The following ACACA variants were observed in gnomAD, a reference collection of about 807,000 sequenced individuals.
ACACA encodes acetyl-CoA carboxylase alpha.
A neutral mutation model predicts 296.1 loss-of-function variants in ACACA; 103 were observed. The ratio of observed to expected loss-of-function variants is 0.35; its 90% CI spans 0.30 to 0.41. ACACA has a LOEUF of 0.41. Among genes scored for constraint, ACACA ranks in the 10% least tolerant of loss-of-function variants. The pLI is 1.00. For missense variants in ACACA, 1,554 were observed against 2,989.7 expected, an observed-to-expected ratio of 0.52 and a Z score of 11.20; for synonymous variants, 953 against 1,038.6, an observed-to-expected ratio of 0.92 and a Z score of 1.58.
At chr17:37,403,954 G>A (rs1224651114) in intron 1 of ACACA, among the ~76,000 whole-genome samples, 1 of 152,066 alleles carries the variant, frequency 6.6e-6, no homozygotes, top group Non-Finnish European at 1.5e-5. Context: ...TGCATTTTTA[G>A]CAGAGATGGG....
intron 20 of ACACA, 79 bp downstream of exon 20, chr17:37,245,001 C>T: frequency 6.3e-7 from 1 of 1,592,966 alleles, no homozygotes; most frequent in Non-Finnish European, 8.6e-7. Context: ...GCAAACCAAG[C>T]ATTGAAATCA....
intron 1 of ACACA, among the ~76,000 whole-genome samples, chr17:37,349,547 G>GTATA (rs751479341): frequency 1.4e-5 from 2 of 144,082 alleles, no homozygotes; most frequent in African/African-American, 5.1e-5. Context: ...GTGTGTGTGT[G>GTATA]TATATATATA....
At chr17:37,223,453 C>A in intron 28 of ACACA, 59 bp downstream of exon 28, 1 of 1,391,156 alleles carries the variant, frequency 7.2e-7, no homozygotes, top group East Asian at 2.3e-5. Flanking sequence ...GCCAAATAGA[C>A]AGAAGAAACC....
At chr17:37,259,600 ACT>A in intron 11 of ACACA, 70 bp from the exon 12 acceptor site, 2 of 1,533,618 alleles carry the variant, frequency 1.3e-6, no homozygotes, top group Non-Finnish European at 1.8e-6. Flanking sequence ...ACAGCCTCTC[ACT>A]GACTCAACTG....
intron 19 of ACACA, among the ~76,000 whole-genome samples, chr17:37,245,476 A>G (rs1370844698): frequency 2.6e-5 from 4 of 152,204 alleles, no homozygotes. Flanking sequence ...ATTTGTGATT[A>G]TATTTGTTTT....
At chr17:37,165,122 G>A (rs73982251) in intron 41 of ACACA, among the ~76,000 whole-genome samples, 1,918 of 76,862 alleles carry the variant, frequency 0.025, 34 homozygotes, top group African/African-American at 0.086. Flanking sequence ...TCCCCACCCC[G>A]CCCCGCCCCC....
intron 48 of ACACA, among the ~76,000 whole-genome samples, chr17:37,125,332 G>A (rs897060585): frequency 6.6e-6 from 1 of 151,958 alleles, no homozygotes; most frequent in Non-Finnish European, 1.5e-5. Context: ...AAAAGCAGAT[G>A]AGTCTCTGAA....
intron 29 of ACACA, among the ~76,000 whole-genome samples, chr17:37,212,054 T>C (rs912943987): frequency 2.6e-5 from 4 of 152,114 alleles, no homozygotes; most frequent in African/African-American, 4.8e-5. Context: ...CCTTTTACGA[T>C]ATAAAGGATG....
At chr17:37,119,920 T>G (rs1038658189) in intron 50 of ACACA, among the ~76,000 whole-genome samples, 5 of 143,940 alleles carry the variant, frequency 3.5e-5, no homozygotes, top group African/African-American at 1.3e-4. Context: ...TGAGATGGAG[T>G]CTTGCTCTGT....
At chr17:37,243,610 A>C in intron 21 of ACACA, 51 bp from the exon 22 acceptor site, 3 of 1,572,980 alleles carry the variant, frequency 1.9e-6, no homozygotes, top group Non-Finnish European at 2.6e-6. Flanking sequence ...CAATCCCCCA[A>C]ATAAAAAGAT....
rs2080629394 is a variant in ACACA at position 37,245,133 on chromosome 17, G to A, written c.2542C>T (p.Pro848Ser). 6.2e-7 allele frequency: 1 copy of A among 1,613,980 alleles called. No individual in the cohort carries two copies. Among genetic ancestry groups the A allele is most frequent in the Non-Finnish European group, 8.5e-7 (1 of 1,180,010 alleles). ...YVKRPGAALDPGCVLAKMQLD... is the reference protein window; with the variant it reads ...YVKRPGAALDSGCVLAKMQLD... ...TGCATTTTGGCTAGTACACAGCCAG[G>A]GTCAAGAGCTGCTCCAGGTCGCTTG... The change falls in exon 20 of 56, where the codon CCT (proline) becomes TCT (serine). Residue 848 changes from proline (P) to serine (S), a missense_variant. By Grantham distance (74) the Pro-to-Ser change is moderately conservative (BLOSUM62 -1). Transcript: ENST00000616317.
rs1290397903 is a variant in ACACA at position 37,283,295 on chromosome 17, G to C, written c.582C>G (p.Val194=). 4 of 1,614,114 alleles carry C rather than the reference G, an allele frequency of 2.5e-6. No individual in the cohort carries two copies. The highest frequency in any genetic ancestry group is 3.4e-6 in the Non-Finnish European group (4 of 1,180,008). Residue 194 remains valine (V), a synonymous_variant, in exon 5 of 56, where the codon GTC becomes GTG. Coordinates refer to ENST00000616317, the MANE Select transcript of ACACA (RefSeq NM_198834.3). ...NERAIRFVVM[V]TPEDLKANAE... is the part of the protein sequence containing the mutation. ...CATTGGCTTTAAGGTCTTCAGGTGT[G>C]ACCATGACAACGAATCTAATTGCAC...
Position 37,200,193 on chromosome 17 carries a change from A to G in ACACA, c.4114-10T>C, listed in dbSNP as rs1469675304. ...CCTGCTTTCTGAAATCCTTTCAAAT[A>G]AAAGAGAGAAAGGAAGGAAAGACAG... On this transcript the variant is annotated splice_polypyrimidine_tract_variant and intron_variant, in intron 34 of 55. Coordinates refer to ENST00000616317, the MANE Select transcript of ACACA (RefSeq NM_198834.3). The G allele has an allele frequency of 6.2e-7, 1 of 1,603,992 alleles. No individual in the cohort carries two copies. Among genetic ancestry groups the G allele is most frequent in the Non-Finnish European group, 8.5e-7 (1 of 1,171,038 alleles).
At position 37,293,539 on chromosome 17, in the gene ACACA, C is replaced by CTT. The variant is rs58534025; in HGVS notation, c.339-8571_339-8570dup. The stretch of plus-strand genomic sequence containing the variant: ...ATGAGCATCAAAAATAATTTTAGGA[C>CTT]TTTTTTTTTTTTTTTTTTTTTGTGA... On this transcript the variant is annotated intron_variant, in intron 3 of 55. Coordinates refer to ENST00000616317, the MANE Select transcript of ACACA (RefSeq NM_198834.3). 3.4e-3 allele frequency among the ~76,000 whole-genome samples: 427 copies of CTT among 124,592 alleles called. 3 individuals carry two copies. The highest frequency in any genetic ancestry group is 6.0e-3 in the African/African-American group (200 of 33,580). The allele number at this position is 124,592 out of a possible 152,430, so 81.7% of individuals were successfully genotyped here. A position where few individuals can be genotyped will look rare whatever the true frequency, so the allele number is the denominator to read the frequency against.
chr17:37,245,248 C>G, intron 19 of ACACA, 34 bp from the exon 20 acceptor site: 3 of 1,609,834 alleles, frequency 1.9e-6, no homozygotes, highest in Non-Finnish European at 2.5e-6. Context: ...TCAGATTTAT[C>G]TCTCTTTACA....
rs997211214 is a variant in ACACA at position 37,246,695 on chromosome 17, A to T, written c.2460+131T>A. The T allele has an allele frequency of 5.6e-6, 7 of 1,241,898 alleles. No homozygotes were observed. The Admixed American group carries it at 7.0e-5, about 12-fold the overall frequency. The allele number at this position is 1,241,898 out of a possible 1,614,324, so 76.9% of individuals were successfully genotyped here. ...CGATCTTCCTGCCTCAGCCTCCCAAAGTGGTAGGATTACAGGCACAAGCCA... is the reference window on the plus strand; with the variant it reads ...CGATCTTCCTGCCTCAGCCTCCCAATGTGGTAGGATTACAGGCACAAGCCA... On this transcript the variant is annotated intron_variant, in intron 19 of 55. Transcript: ENST00000616317.
At chr17:37,320,159 TTTTCTAACTTCTATCCC>T (rs1264020921) in intron 3 of ACACA, among the ~76,000 whole-genome samples, 33 of 152,046 alleles carry the variant, frequency 2.2e-4, no homozygotes, top group Non-Finnish European at 1.5e-5. Context: ...TAAATATATA[TTTTCTAACTTCTATCCC>T]TTTCTAACAA....
intron 38 of ACACA, among the ~76,000 whole-genome samples, chr17:37,190,481 A>G (rs1392924171): frequency 1.3e-5 from 2 of 152,154 alleles, no homozygotes; most frequent in Non-Finnish European, 2.9e-5. Context: ...AACAGAGAGC[A>G]GCCTGTCTTT....
chr17:37,381,597 A>G (rs1166929387), intron 1 of ACACA, among the ~76,000 whole-genome samples: 1 of 146,144 alleles, frequency 6.8e-6, no homozygotes, highest in Admixed American at 6.8e-5. Flanking sequence ...ACAGTTTTAC[A>G]TTATTCCATA....
Sources: gnomAD v4.1 joint callset for allele counts (sites outside exome capture counted in the v4.1 genomes callset) on GRCh38, gnomAD v4.1.1 for gene constraint, MANE v1.5 for transcripts, NCBI Gene and HGNC (gene_info 2026-07-23, HGNC 2026-07-21) for gene names.